Variants in SLC4A4 observed in about 807,000 individuals in gnomAD.
SLC4A4 encodes the protein electrogenic sodium bicarbonate cotransporter 1.
SLC4A4 carries 27 observed loss-of-function variants against 111.5 expected under a neutral mutation model. The ratio of observed to expected loss-of-function variants is 0.24; its 90% CI spans 0.18 to 0.33. SLC4A4 has a LOEUF of 0.33. Ranked by LOEUF, SLC4A4 falls within the 10% of genes least tolerant of loss-of-function variation. The pLI is 1.00. For missense variants in SLC4A4, 909 were observed against 1,315.5 expected, an observed-to-expected ratio of 0.69 and a Z score of 4.78; for synonymous variants, 443 against 463.4, an observed-to-expected ratio of 0.96 and a Z score of 0.57.
At chr4:71,487,670 A>G (rs777031640) in intron 15 of SLC4A4, among the ~76,000 whole-genome samples, 1 of 151,644 alleles carries the variant, frequency 6.6e-6, no homozygotes, top group Non-Finnish European at 1.5e-5. Context: ...GAATCTTACC[A>G]AAGAATATCA....
chr4:71,411,100 C>T (rs933621092), intron 7 of SLC4A4, among the ~76,000 whole-genome samples: 4 of 152,174 alleles, frequency 2.6e-5, no homozygotes. Flanking sequence ...GCCCAGAATC[C>T]TTGGCATGAC....
intron 2 of SLC4A4, among the ~76,000 whole-genome samples, chr4:71,131,311 G>T (rs1463809436): frequency 6.6e-6 from 1 of 152,116 alleles, no homozygotes; most frequent in Non-Finnish European, 1.5e-5. Context: ...TAAAGATGTT[G>T]GTTCTTTTAT....
At chr4:71,432,019 C>T (rs1275983116) in intron 7 of SLC4A4, among the ~76,000 whole-genome samples, 1 of 152,030 alleles carries the variant, frequency 6.6e-6, no homozygotes, top group Admixed American at 6.6e-5. Context: ...CCTTGTGAAA[C>T]TTGGGGAAAA....
At chr4:71,373,095 T>C (rs1042318987) in intron 6 of SLC4A4, among the ~76,000 whole-genome samples, 1 of 152,198 alleles carries the variant, frequency 6.6e-6, no homozygotes, top group Non-Finnish European at 1.5e-5. Context: ...TTCATAAAGT[T>C]TTACTTCTTT....
In SLC4A4 at chr4:71,440,752, C is replaced by A; in HGVS notation, c.944C>A (p.Thr315Asn). Residue 315 changes from threonine to asparagine, a missense_variant, in exon 8 of 26, where the codon ACT (threonine) becomes AAT (asparagine). By Grantham distance (65) the Thr-to-Asn change is moderately conservative (BLOSUM62 0). Transcript: ENST00000264485. The stretch of plus-strand genomic sequence containing the variant: ...CAGGCTGTCATGCTGGGTGCCCTGA[C>A]TGAAGTTCCTGTGCCCACAAGGTAA... ...LQQAVMLGAL[T>N]EVPVPTRFLF... 6.2e-7 allele frequency: 1 copy of A among 1,614,088 alleles called. No homozygotes were observed. The highest frequency in any genetic ancestry group is 8.5e-7 in the Non-Finnish European group (1 of 1,179,982).
At chr4:71,223,318 G>C (rs1049000109) in intron 1 of SLC4A4, among the ~76,000 whole-genome samples, 8 of 151,946 alleles carry the variant, frequency 5.3e-5, no homozygotes, top group African/African-American at 1.9e-4. Flanking sequence ...TGGGACTACA[G>C]GCACCCACCC....
At chr4:71,108,650 G>C (rs929659141) in intron 2 of SLC4A4, among the ~76,000 whole-genome samples, 19 of 152,096 alleles carry the variant, frequency 1.2e-4, no homozygotes, top group African/African-American at 4.6e-4. Flanking sequence ...GGAGTTTGTT[G>C]AGCTTCTTGG....
At chr4:71,146,807 A>C (rs1035951616) in intron 2 of SLC4A4, among the ~76,000 whole-genome samples, 4 of 152,158 alleles carry the variant, frequency 2.6e-5, no homozygotes, top group African/African-American at 9.7e-5. Context: ...ACGACCATCA[A>C]GGCTAGGAAG....
chr4:71,389,842 G>T (rs1310331207), intron 6 of SLC4A4, among the ~76,000 whole-genome samples: 1 of 152,050 alleles, frequency 6.6e-6, no homozygotes, highest in African/African-American at 2.4e-5. Flanking sequence ...AAGGGCCTTG[G>T]CTCTAGGCTC....
rs867430318 is a variant in SLC4A4, at chr4:71,171,937, T to A, written c.-1-64639T>A. 2.1e-4 allele frequency among the ~76,000 whole-genome samples: 32 copies of A among 152,364 alleles called. 1 individual carries two copies. The Middle Eastern group carries it at 0.014, about 65-fold the overall frequency. ...AGTAATGAAATTTGAGGGCTACTGG[T>A]GGAGGCAGAGAGAGTTGTCTATAAC... On this transcript the variant is annotated intron_variant, in intron 2 of 26. Transcript: ENST00000649996.
chr4:71,068,608 A>G (rs891954445), intron 1 of SLC4A4, among the ~76,000 whole-genome samples: 4 of 150,494 alleles, frequency 2.7e-5, no homozygotes, highest in Non-Finnish European at 5.9e-5. Flanking sequence ...CATCCAGGCT[A>G]GGGTGGCGGG....
At chr4:71,382,229 G>A (rs1268297833) in intron 6 of SLC4A4, among the ~76,000 whole-genome samples, 1 of 152,016 alleles carries the variant, frequency 6.6e-6, no homozygotes, top group East Asian at 1.9e-4. Context: ...AGTTTTCCCA[G>A]TTTCAGGCTG....
At chr4:71,194,908 A>C (rs962705862) in intron 1 of SLC4A4, among the ~76,000 whole-genome samples, 1 of 152,202 alleles carries the variant, frequency 6.6e-6, no homozygotes, top group Non-Finnish European at 1.5e-5. Flanking sequence ...ATAATATGAA[A>C]GCAAACAACA....
At position 71,204,291 on chromosome 4, in the gene SLC4A4, C is replaced by T. The variant is rs138956639; in HGVS notation, c.-2+16890C>T. Among the ~76,000 whole-genome samples the T allele has an allele frequency of 2.6e-3, 397 of 152,226 alleles. 3 individuals carry two copies. Among genetic ancestry groups the T allele is most frequent in the African/African-American group, 9.0e-3 (376 of 41,548 alleles). On this transcript the variant is annotated intron_variant, in intron 1 of 25. Transcript: ENST00000264485. ...TGTTAAATAATTAATTGCCACAACC[C>T]CCATGTGGGCGTAGAATAGCAAGCA...
intron 6 of SLC4A4, among the ~76,000 whole-genome samples, chr4:71,375,445 A>G (rs1940393957): frequency 6.6e-6 from 1 of 152,138 alleles, no homozygotes; most frequent in Admixed American, 6.5e-5. Context: ...TGATTTTTCC[A>G]CTTGGAATAT....
At chr4:71,482,757 T>C (rs73828167) in intron 14 of SLC4A4, among the ~76,000 whole-genome samples, 1,808 of 151,704 alleles carry the variant, frequency 0.012, 40 homozygotes, top group African/African-American at 0.04. Flanking sequence ...CAGATCACAG[T>C]TGAGAGTCAC....
chr4:71,272,203 G>A lies in SLC4A4; in HGVS notation c.253+16804G>A, dbSNP rs145248728. Among the ~76,000 whole-genome samples the A allele has an allele frequency of 1.9e-4, 29 of 152,264 alleles. No homozygotes were observed. In the East Asian group the frequency reaches 5.2e-3, roughly 27 times the overall value. On this transcript the variant is annotated intron_variant, in intron 3 of 25. Transcript: ENST00000264485. ...TGTAAACATCATTTCTCTCATCTAGGCTTCAGTAGGAGGTGAGTTGTAGAA... is the reference window on the plus strand; with the variant it reads ...TGTAAACATCATTTCTCTCATCTAGACTTCAGTAGGAGGTGAGTTGTAGAA...
intron 3 of SLC4A4, among the ~76,000 whole-genome samples, chr4:71,317,005 C>T (rs966348048): frequency 6.6e-6 from 1 of 151,822 alleles, no homozygotes; most frequent in East Asian, 1.9e-4. Context: ...CAGGCGTGCA[C>T]CAGTATGTCA....
intron 7 of SLC4A4, among the ~76,000 whole-genome samples, chr4:71,411,686 A>G (rs192114613): frequency 7.9e-5 from 12 of 152,342 alleles, no homozygotes; most frequent in African/African-American, 2.9e-4. Flanking sequence ...TAAAGCCTAA[A>G]GTATTTAGTG....
Sources: gnomAD v4.1 joint callset for allele counts (sites outside exome capture counted in the v4.1 genomes callset) on GRCh38, gnomAD v4.1.1 for gene constraint, MANE v1.5 for transcripts, NCBI Gene and HGNC (gene_info 2026-07-23, HGNC 2026-07-21) for gene names.